The following TMTC2 variants were observed in gnomAD, a reference collection of about 807,000 sequenced individuals.
TMTC2 encodes the protein protein O-mannosyl-transferase TMTC2.
TMTC2 carries 43 observed loss-of-function variants against 82.4 expected under a neutral mutation model. The ratio of observed to expected loss-of-function variants is 0.52; its 90% CI spans 0.41 to 0.67. The LOEUF (loss-of-function observed/expected upper bound fraction) is 0.67. Ranked by LOEUF, TMTC2 falls within the 30% of genes least tolerant of loss-of-function variation. The pLI, the probability that TMTC2 is intolerant of heterozygous loss-of-function variation, is 0.00. For synonymous variants in TMTC2, 408 were observed against 381.9 expected, an observed-to-expected ratio of 1.07 and a Z score of -0.80; for missense variants, 919 against 1,012.4, an observed-to-expected ratio of 0.91 and a Z score of 1.25.
intron 1 of TMTC2, among the ~76,000 whole-genome samples, chr12:82,725,739 C>T (rs1231816486): frequency 2.6e-5 from 4 of 152,090 alleles, no homozygotes; most frequent in Non-Finnish European, 2.9e-5. Context: ...TGGGACAGTT[C>T]GAAACCAGGG....
intron 1 of TMTC2, among the ~76,000 whole-genome samples, chr12:82,747,567 G>C (rs189685205): frequency 6.6e-6 from 1 of 152,316 alleles, no homozygotes; most frequent in Non-Finnish European, 1.5e-5. Context: ...TTTCAGGAAA[G>C]CATTATTATT....
intron 2 of TMTC2, among the ~76,000 whole-genome samples, chr12:82,870,520 G>A (rs997840381): frequency 6.6e-6 from 1 of 152,126 alleles, no homozygotes; most frequent in Non-Finnish European, 1.5e-5. Context: ...TAAAAGTAGG[G>A]CAGCTCAATC....
chr12:82,821,904 A>G (rs932018635), intron 1 of TMTC2, among the ~76,000 whole-genome samples: 2 of 151,892 alleles, frequency 1.3e-5, no homozygotes, highest in African/African-American at 4.8e-5. Context: ...AAAAAAAAAA[A>G]AAAGCTAGAT....
At chr12:82,813,199 T>C (rs1340976376) in intron 1 of TMTC2, among the ~76,000 whole-genome samples, 4 of 152,138 alleles carry the variant, frequency 2.6e-5, no homozygotes, top group Non-Finnish European at 4.4e-5. Context: ...GATACTATTT[T>C]CTACTTGAAT....
intron 11 of TMTC2, among the ~76,000 whole-genome samples, chr12:83,080,469 A>G (rs74237265): frequency 0.044 from 6,696 of 152,182 alleles, 188 homozygotes; most frequent in East Asian, 0.12. Context: ...TGGATACCAT[A>G]AAATTGTAAT....
chr12:83,111,957 A>G (rs1231166854), intron 11 of TMTC2, among the ~76,000 whole-genome samples: 3 of 151,638 alleles, frequency 2.0e-5, no homozygotes, highest in Non-Finnish European at 2.9e-5. Context: ...AAAAAAAAAA[A>G]CATCCAGGTA....
Position 83,030,868 on chromosome 12 carries a change from A to G in TMTC2, c.2141A>G (p.Tyr714Cys). The G allele has an allele frequency of 6.2e-7, 1 of 1,612,758 alleles. No individual in the cohort carries two copies. The highest frequency in any genetic ancestry group is 8.5e-7 in the Non-Finnish European group (1 of 1,178,842). Reference protein sequence around the residue: ...IELDPTKGNCYMHYGQFLLEE... With the variant: ...IELDPTKGNCCMHYGQFLLEE... ...CTGGATCCCACCAAAGGAAACTGTTACATGCATTATGGTGAGTGGTTGATA... is the reference window on the plus strand; with the variant it reads ...CTGGATCCCACCAAAGGAAACTGTTGCATGCATTATGGTGAGTGGTTGATA... The change falls in exon 9 of 12, where the codon TAC becomes TGC. Residue 714 changes from tyrosine to cysteine, a missense_variant. Physicochemically the swap from Tyr to Cys is radical, Grantham distance 194. Coordinates refer to ENST00000321196, the MANE Select transcript of TMTC2 (RefSeq NM_152588.3).
intron 2 of TMTC2, among the ~76,000 whole-genome samples, chr12:82,869,108 C>T (rs1168696497): frequency 6.6e-6 from 1 of 152,058 alleles, no homozygotes; most frequent in African/African-American, 2.4e-5. Context: ...ATTTACTTGA[C>T]AGATGATAGA....
chr12:82,716,483 C>T (rs1227689033), intron 1 of TMTC2, among the ~76,000 whole-genome samples: 1 of 151,878 alleles, frequency 6.6e-6, no homozygotes, highest in African/African-American at 2.4e-5. Flanking sequence ...CCTGCCTCAG[C>T]CTCCCGTGTA....
chr12:82,726,961 C>T (rs1036102690), intron 1 of TMTC2, among the ~76,000 whole-genome samples: 2 of 148,844 alleles, frequency 1.3e-5, no homozygotes, highest in South Asian at 2.1e-4. Flanking sequence ...TTCTACTGTA[C>T]TGCCTTTGAA....
intron 1 of TMTC2, among the ~76,000 whole-genome samples, chr12:82,814,845 G>A (rs1331639785): frequency 6.6e-6 from 1 of 152,120 alleles, no homozygotes; most frequent in Non-Finnish European, 1.5e-5. Flanking sequence ...GTAGAATCCA[G>A]ATGGAATTAT....
intron 8 of TMTC2, among the ~76,000 whole-genome samples, chr12:83,007,333 A>G (rs1169915690): frequency 6.6e-6 from 1 of 152,154 alleles, no homozygotes; most frequent in African/African-American, 2.4e-5. Context: ...CTTATCACTT[A>G]AACTTCAGTC....
At chr12:82,958,556 A>T (rs1337664675) in intron 4 of TMTC2, among the ~76,000 whole-genome samples, 2 of 152,092 alleles carry the variant, frequency 1.3e-5, no homozygotes, top group African/African-American at 4.8e-5. Flanking sequence ...GTGATTCGCC[A>T]CATAAGTAAA....
At chr12:82,908,004 C>T (rs894950477) in intron 3 of TMTC2, among the ~76,000 whole-genome samples, 1 of 152,038 alleles carries the variant, frequency 6.6e-6, no homozygotes, top group South Asian at 2.1e-4. Context: ...CCCAGCTACT[C>T]AGGAGCCTGA....
In TMTC2 at chr12:82,980,875, C is replaced by T. The variant is rs572842076; in HGVS notation, c.1949-5050C>T. Among the ~76,000 whole-genome samples, 6 of 152,018 alleles carry T rather than the reference C, an allele frequency of 3.9e-5. No homozygotes were observed. The East Asian group carries it at 1.2e-3, about 29-fold the overall frequency. On this transcript the variant is annotated intron_variant, in intron 7 of 11. Transcript: ENST00000321196. ...CTGAAGCACGATGTCTATGTTACTA[C>T]ATTTTTAACACAGATTAAATCAAAT... is the stretch of plus-strand genomic sequence containing the variant.
chr12:82,876,654 A>G (rs1401070997), intron 2 of TMTC2, among the ~76,000 whole-genome samples: 1 of 152,210 alleles, frequency 6.6e-6, no homozygotes, highest in Non-Finnish European at 1.5e-5. Flanking sequence ...GTATTGTTTA[A>G]TTAGTCTTTT....
At chr12:82,730,496 T>C (rs1201920634) in intron 1 of TMTC2, among the ~76,000 whole-genome samples, 3 of 152,190 alleles carry the variant, frequency 2.0e-5, no homozygotes, top group Non-Finnish European at 2.9e-5. Context: ...GTGCACATGC[T>C]TCTATGTCCA....
At chr12:82,970,420 T>C (rs1202826905) in intron 7 of TMTC2, among the ~76,000 whole-genome samples, 7 of 152,012 alleles carry the variant, frequency 4.6e-5, no homozygotes, top group Non-Finnish European at 8.8e-5. Flanking sequence ...CAAGCTCCGC[T>C]TCCCGGGTTC....
chr12:82,762,266 C>T (rs977415752), intron 1 of TMTC2, among the ~76,000 whole-genome samples: 7 of 152,092 alleles, frequency 4.6e-5, no homozygotes, highest in Non-Finnish European at 7.3e-5. Flanking sequence ...CACGCGTGGC[C>T]GACTGTTTCC....
Sources: gnomAD v4.1 joint callset for allele counts (sites outside exome capture counted in the v4.1 genomes callset) on GRCh38, gnomAD v4.1.1 for gene constraint, MANE v1.5 for transcripts, NCBI Gene and HGNC (gene_info 2026-07-23, HGNC 2026-07-21) for gene names.